The following DIAPH2 variants were observed in gnomAD, a reference collection of about 807,000 sequenced individuals.
DIAPH2 encodes the protein protein diaphanous homolog 2.
Under a neutral mutation model 92.7 loss-of-function variants are expected in DIAPH2, and 35 were observed. The ratio of observed to expected loss-of-function variants is 0.38; its 90% CI spans 0.29 to 0.50. The LOEUF (loss-of-function observed/expected upper bound fraction) is 0.50. Ranked by LOEUF, DIAPH2 falls within the 20% of genes least tolerant of loss-of-function variation. The pLI is 0.94. For synonymous variants in DIAPH2, 301 were observed against 280.4 expected (o/e 1.07, Z -0.73); for missense variants, 701 against 819.5 (o/e 0.86, Z 1.77).
rs1435760927 is a variant in DIAPH2, at chrX:96,949,105, T to C, written c.1614+66T>C. 3 of 725,048 alleles carry C rather than the reference T, an allele frequency of 4.1e-6. No individual in the cohort carries two copies. In the African/African-American group the frequency reaches 6.6e-5, roughly 16 times the overall value. The allele number at this position is 725,048 out of a possible 1,213,427, so 59.8% of individuals were successfully genotyped here. ...AGTTTGATGGTAGAAAATTATCTTG[T>C]TATATAGAAGGAAAAATGTGACCAG... On this transcript the variant is annotated intron_variant, in intron 15 of 26. Transcript: ENST00000324765.
chrX:97,378,153 C>T lies in DIAPH2; in HGVS notation c.3010-5756C>T, dbSNP rs753980228. 5.7e-3 allele frequency among the ~76,000 whole-genome samples: 621 copies of T among 109,896 alleles called. 2 individuals are homozygous for T. Among genetic ancestry groups the T allele is most frequent in the African/African-American group, 0.02 (590 of 30,139 alleles). On this transcript the variant is annotated intron_variant, in intron 24 of 26. Coordinates refer to ENST00000324765, the MANE Select transcript of DIAPH2 (RefSeq NM_006729.5). ...ATCCCAGCACTTTAGGAGGCCAAGG[C>T]GGGCGGATCACTTGAGGTCAGGAGT...
chrX:97,166,821 A>T (rs2067415554), intron 22 of DIAPH2, among the ~76,000 whole-genome samples: 1 of 111,797 alleles, frequency 8.9e-6, no homozygotes, highest in Non-Finnish European at 1.9e-5. Flanking sequence ...TCCAAACGGA[A>T]CTACTATCCT....
chrX:97,312,501 C>A (rs1233972375), intron 23 of DIAPH2, among the ~76,000 whole-genome samples: 1 of 108,433 alleles, frequency 9.2e-6, no homozygotes, highest in East Asian at 2.9e-4. Context: ...AGGTGCCTGC[C>A]ACCACGCCCG....
At chrX:97,028,523 T>C (rs1191919087) in intron 17 of DIAPH2, among the ~76,000 whole-genome samples, 1 of 112,339 alleles carries the variant, frequency 8.9e-6, no homozygotes, top group East Asian at 2.8e-4. Flanking sequence ...TATTTGTCTA[T>C]TCTGGACATT....
chrX:97,302,211 CAAAAAA>C (rs35039257), intron 23 of DIAPH2, among the ~76,000 whole-genome samples: 13 of 26,697 alleles, frequency 4.9e-4, no homozygotes, highest in Non-Finnish European at 7.7e-4. Context: ...GACTCCATCT[CAAAAAA>C]AAAAAAAAAA....
intron 4 of DIAPH2, among the ~76,000 whole-genome samples, chrX:96,880,616 G>A (rs1300939971): frequency 9.0e-6 from 1 of 111,475 alleles, no homozygotes; most frequent in Non-Finnish European, 1.9e-5. Flanking sequence ...TCCTTATGAT[G>A]TTATTTTATA....
intron 22 of DIAPH2, among the ~76,000 whole-genome samples, chrX:97,211,091 A>T (rs2067835830): frequency 1.8e-5 from 2 of 111,961 alleles, no homozygotes; most frequent in South Asian, 7.4e-4. Flanking sequence ...ATAAAGAGTA[A>T]ATATACAAAC....
At chrX:97,402,692 A>C (rs915451480) in intron 25 of DIAPH2, among the ~76,000 whole-genome samples, 1 of 112,205 alleles carries the variant, frequency 8.9e-6, no homozygotes, top group Non-Finnish European at 1.9e-5. Context: ...CAGAGCATTG[A>C]GACCATTTTC....
chrX:96,823,135 A>C (rs1400981115), intron 4 of DIAPH2, among the ~76,000 whole-genome samples: 1 of 111,697 alleles, frequency 9.0e-6, no homozygotes, highest in Non-Finnish European at 1.9e-5. Flanking sequence ...CTCTCATTTC[A>C]TGATGGTTGG....
At chrX:97,534,522 A>G (rs1253497342) in intron 26 of DIAPH2, among the ~76,000 whole-genome samples, 2 of 111,185 alleles carry the variant, frequency 1.8e-5, no homozygotes, top group African/African-American at 3.3e-5. Flanking sequence ...AGTATTTTAT[A>G]TATTTAGTGA....
intron 4 of DIAPH2, among the ~76,000 whole-genome samples, chrX:96,806,356 A>G (rs2147654616): frequency 9.0e-6 from 1 of 111,352 alleles, no homozygotes; most frequent in South Asian, 3.8e-4. Flanking sequence ...ATTAGAAATT[A>G]TATTTCATAG....
chrX:97,304,108 T>C (rs2068728127), intron 23 of DIAPH2, among the ~76,000 whole-genome samples: 1 of 112,032 alleles, frequency 8.9e-6, no homozygotes, highest in African/African-American at 3.2e-5. Flanking sequence ...AATAGACTAA[T>C]TTTAGCTAAT....
chrX:97,083,029 G>T (rs936168605), intron 19 of DIAPH2, among the ~76,000 whole-genome samples: 1 of 111,975 alleles, frequency 8.9e-6, no homozygotes, highest in African/African-American at 3.2e-5. Flanking sequence ...TTTCTCTTAT[G>T]TACTAAAGAG....
chrX:97,232,978 T>C (rs2068020377), intron 22 of DIAPH2, among the ~76,000 whole-genome samples: 1 of 112,262 alleles, frequency 8.9e-6, no homozygotes, highest in African/African-American at 3.2e-5. Flanking sequence ...TCCTCCTGTT[T>C]ACAAATTATT....
chrX:97,046,167 GGT>G (rs2066482847), intron 17 of DIAPH2, among the ~76,000 whole-genome samples: 1 of 101,212 alleles, frequency 9.9e-6, no homozygotes, highest in Non-Finnish European at 2.0e-5. Context: ...TATTTTATGT[GGT>G]TTTTTTTTTT....
chrX:97,499,638 ACCTG>A (rs2070781725), intron 26 of DIAPH2, among the ~76,000 whole-genome samples: 1 of 111,894 alleles, frequency 8.9e-6, no homozygotes, highest in African/African-American at 3.2e-5. Flanking sequence ...TGAAAAAGAC[ACCTG>A]TACTCATATG....
intron 25 of DIAPH2, among the ~76,000 whole-genome samples, chrX:97,389,788 G>A (rs758292235): frequency 6.0e-4 from 66 of 110,375 alleles, no homozygotes; most frequent in South Asian, 1.2e-3. Context: ...TCCCCTCAAG[G>A]AGTTCTGGGC....
At chrX:97,354,778 T>C (rs774953870) in intron 24 of DIAPH2, among the ~76,000 whole-genome samples, 15 of 112,852 alleles carry the variant, frequency 1.3e-4, no homozygotes, top group Non-Finnish European at 2.4e-4. Context: ...CGCAGTCACT[T>C]AGATTGAACT....
At chrX:97,312,578 G>T (rs2068805969) in intron 23 of DIAPH2, among the ~76,000 whole-genome samples, 1 of 110,220 alleles carries the variant, frequency 9.1e-6, no homozygotes, top group Admixed American at 9.8e-5. Flanking sequence ...TTGAACTCCT[G>T]ATCTCAGGTG....
Sources: allele counts gnomAD v4.1 joint callset (sites outside exome capture counted in the v4.1 genomes callset), GRCh38; gene constraint gnomAD v4.1.1; transcripts MANE v1.5; gene names NCBI Gene and HGNC (gene_info 2026-07-23, HGNC 2026-07-21).